Variants in PTPRD observed in about 807,000 individuals in gnomAD.
The protein encoded by PTPRD is protein tyrosine phosphatase receptor type D, also known as receptor-type tyrosine-protein phosphatase delta.
In PTPRD, 34 loss-of-function variants were observed where a neutral mutation model predicts 214.5. The observed-to-expected ratio is 0.16, with a 90% CI of 0.12 to 0.21. The LOEUF is 0.21. Ranked by LOEUF, PTPRD falls within the 10% of genes least tolerant of loss-of-function variation. PTPRD has a pLI of 1.00. For synonymous variants in PTPRD, 1,128 were observed against 845.7 expected (o/e 1.33, Z -5.79); for missense variants, 2,545 against 2,398.7 (o/e 1.06, Z -1.27).
intron 7 of PTPRD, among the ~76,000 whole-genome samples, chr9:9,579,940 G>C (rs1352879036): frequency 6.6e-6 from 1 of 152,024 alleles, no homozygotes; most frequent in Non-Finnish European, 1.5e-5. Context: ...ACTTATAAGA[G>C]AGAATATGCA....
chr9:10,172,284 T>G (rs1039872238), intron 3 of PTPRD, among the ~76,000 whole-genome samples: 2 of 152,188 alleles, frequency 1.3e-5, no homozygotes, highest in African/African-American at 4.8e-5. Flanking sequence ...AATATATTTA[T>G]AAGCTACCTC....
chr9:8,378,516 A>C (rs1236576183), intron 37 of PTPRD, among the ~76,000 whole-genome samples: 3 of 152,118 alleles, frequency 2.0e-5, no homozygotes, highest in African/African-American at 4.8e-5. Flanking sequence ...GGACAAGAGG[A>C]ACTCTGGAGG....
In PTPRD at chr9:9,716,411, T is replaced by C. The variant is rs756152498; in HGVS notation, c.-287+18122A>G. On this transcript the variant is annotated intron_variant, in intron 7 of 45. Transcript: ENST00000381196. ...GTCAAATGGTATTTCTAGTTCTAGA[T>C]CCCTGAGGAATCGCCACACTGACTT... Among the ~76,000 whole-genome samples the C allele has an allele frequency of 6.2e-3, 947 of 151,968 alleles. 3 individuals carry two copies. Among genetic ancestry groups the C allele is most frequent in the Non-Finnish European group, 0.011 (729 of 67,976 alleles).
intron 7 of PTPRD, among the ~76,000 whole-genome samples, chr9:9,659,362 G>A (rs963866804): frequency 6.6e-6 from 1 of 151,946 alleles, no homozygotes; most frequent in East Asian, 1.9e-4. Flanking sequence ...ACAAATAAAT[G>A]TTTCAATGTT....
intron 3 of PTPRD, among the ~76,000 whole-genome samples, chr9:10,161,023 A>T (rs1485838103): frequency 6.6e-6 from 1 of 151,942 alleles, no homozygotes; most frequent in Admixed American, 6.6e-5. Context: ...AGATATAAAA[A>T]TCCTGTAGGA....
At chr9:9,674,724 T>C (rs1226688811) in intron 7 of PTPRD, among the ~76,000 whole-genome samples, 1 of 151,820 alleles carries the variant, frequency 6.6e-6, no homozygotes, top group African/African-American at 2.4e-5. Context: ...AAAATGTCAC[T>C]ACATTATGAT....
At chr9:8,803,203 G>C (rs960509425) in intron 11 of PTPRD, among the ~76,000 whole-genome samples, 3 of 152,086 alleles carry the variant, frequency 2.0e-5, no homozygotes, top group South Asian at 4.1e-4. Context: ...TTTTATTTAT[G>C]AATGAGTACA....
chr9:9,191,370 T>G (rs1438770260), intron 9 of PTPRD, among the ~76,000 whole-genome samples: 1 of 151,804 alleles, frequency 6.6e-6, no homozygotes, highest in Non-Finnish European at 1.5e-5. Context: ...CATTTGGTCC[T>G]TGAAATGACC....
At chr9:8,841,342 AAATGTCACC>A (rs1432672518) in intron 11 of PTPRD, among the ~76,000 whole-genome samples, 1 of 152,238 alleles carries the variant, frequency 6.6e-6, no homozygotes, top group Non-Finnish European at 1.5e-5. Flanking sequence ...AAGGTGCTGA[AAATGTCACC>A]AAGCATAGGC....
At chr9:9,854,079 G>C (rs546638552) in intron 5 of PTPRD, among the ~76,000 whole-genome samples, 1 of 152,064 alleles carries the variant, frequency 6.6e-6, no homozygotes, top group South Asian at 2.1e-4. Context: ...CCATGCAACA[G>C]AACATCACCA....
At chr9:9,900,190 A>C (rs1472390688) in intron 5 of PTPRD, among the ~76,000 whole-genome samples, 1 of 152,154 alleles carries the variant, frequency 6.6e-6, no homozygotes, top group South Asian at 2.1e-4. Context: ...GAATTTTCCA[A>C]ATTTTTATGC....
intron 4 of PTPRD, among the ~76,000 whole-genome samples, chr9:9,980,804 G>C (rs1490200167): frequency 6.6e-6 from 1 of 151,700 alleles, no homozygotes; most frequent in Admixed American, 6.6e-5. Context: ...TAGATAATTA[G>C]GCAAAGCGTA....
chr9:9,076,522 G>A (rs955503583), intron 10 of PTPRD, among the ~76,000 whole-genome samples: 18 of 151,988 alleles, frequency 1.2e-4, no homozygotes, highest in African/African-American at 4.4e-4. Flanking sequence ...TTCATTTTTA[G>A]CTTCCACAAG....
At chr9:10,352,689 T>C (rs986653303) in intron 2 of PTPRD, among the ~76,000 whole-genome samples, 5 of 152,192 alleles carry the variant, frequency 3.3e-5, no homozygotes, top group East Asian at 1.9e-4. Flanking sequence ...TTTCTTACTA[T>C]CTATTACTAT....
chr9:10,440,934 C>T (rs1042832864), intron 2 of PTPRD, among the ~76,000 whole-genome samples: 1 of 151,718 alleles, frequency 6.6e-6, no homozygotes, highest in Non-Finnish European at 1.5e-5. Context: ...ATGTGAATCC[C>T]TATGTTCACA....
At chr9:9,297,896 A>C (rs751439355) in intron 9 of PTPRD, among the ~76,000 whole-genome samples, 1 of 151,704 alleles carries the variant, frequency 6.6e-6, no homozygotes, top group Non-Finnish European at 1.5e-5. Flanking sequence ...ATAGTAGATC[A>C]TATAATCCTT....
rs2099082558 is a variant in PTPRD at position 10,479,412 on chromosome 9, G to C, written c.-600+132986C>G. On this transcript the variant is annotated intron_variant, in intron 2 of 45. Coordinates refer to ENST00000381196, the MANE Select transcript of PTPRD (RefSeq NM_002839.4). Reference sequence around the variant, plus strand: ...TTTCTTTGAAAGCCCCTAGTGGTGGGGATGGGGATAAAGGAAACCTAAAAG... The same window carrying C: ...TTTCTTTGAAAGCCCCTAGTGGTGGCGATGGGGATAAAGGAAACCTAAAAG... 2.0e-5 allele frequency among the ~76,000 whole-genome samples: 3 copies of C among 151,996 alleles called. No individual in the cohort carries two copies. The South Asian group carries it at 6.2e-4, about 31-fold the overall frequency.
At chr9:9,683,497 T>C (rs1022301378) in intron 7 of PTPRD, among the ~76,000 whole-genome samples, 3 of 151,682 alleles carry the variant, frequency 2.0e-5, no homozygotes, top group African/African-American at 7.3e-5. Context: ...ATAAAATATG[T>C]ACTTTTTTCC....
intron 2 of PTPRD, among the ~76,000 whole-genome samples, chr9:10,546,672 C>T (rs1249142688): frequency 6.6e-6 from 1 of 151,866 alleles, no homozygotes; most frequent in East Asian, 1.9e-4. Context: ...TTGAATGTTG[C>T]ATCCTTATCA....
Sources: allele counts gnomAD v4.1 joint callset (sites outside exome capture counted in the v4.1 genomes callset), GRCh38; gene constraint gnomAD v4.1.1; transcripts MANE v1.5; gene names NCBI Gene and HGNC (gene_info 2026-07-23, HGNC 2026-07-21).